The following KCNU1 variants were observed in gnomAD, a reference collection of about 807,000 sequenced individuals.
KCNU1 encodes potassium channel subfamily U member 1.
Under a neutral mutation model 126.8 loss-of-function variants are expected in KCNU1, and 93 were observed. The observed-to-expected ratio is 0.73, with a 90% CI of 0.62 to 0.87. The LOEUF (loss-of-function observed/expected upper bound fraction) is 0.87, where lower values mean the gene tolerates loss of function less well. Ranked by LOEUF, KCNU1 falls within the 40% of genes least tolerant of loss-of-function variation. The probability of loss-of-function intolerance (pLI) is 0.00; values close to 1 mark genes in which losing one functional copy is unlikely to be tolerated. For synonymous variants in KCNU1, 523 were observed against 494.2 expected (o/e 1.06, Z -0.77); for missense variants, 1,330 against 1,367.1 (o/e 0.97, Z 0.43).
intron 18 of KCNU1, among the ~76,000 whole-genome samples, chr8:36,858,749 A>G (rs745678345): frequency 2.8e-4 from 43 of 152,206 alleles, no homozygotes; most frequent in Non-Finnish European, 5.7e-4. Context: ...CTGTATAAAA[A>G]GGAGGATTCT....
chr8:36,811,710 T>C (rs1563269967), intron 7 of KCNU1, among the ~76,000 whole-genome samples: 1 of 151,436 alleles, frequency 6.6e-6, no homozygotes. Flanking sequence ...GGGAGGCACA[T>C]CATTGGAGGT....
At chr8:36,852,623 A>T (rs35025232) in intron 18 of KCNU1, among the ~76,000 whole-genome samples, 1 of 151,962 alleles carries the variant, frequency 6.6e-6, no homozygotes, top group African/African-American at 2.4e-5. Context: ...AATCCACATT[A>T]TCAAATTTAT....
intron 7 of KCNU1, among the ~76,000 whole-genome samples, chr8:36,810,778 T>C (rs1333834805): frequency 6.6e-6 from 1 of 152,114 alleles, no homozygotes; most frequent in Non-Finnish European, 1.5e-5. Context: ...ATTAGCATTA[T>C]AGAAGTTACA....
intron 2 of KCNU1, 136 bp downstream of exon 2, chr8:36,787,561 C>G (rs1022558623): frequency 6.3e-6 from 4 of 639,130 alleles, no homozygotes; most frequent in African/African-American, 5.7e-5. Flanking sequence ...CACCACCTCC[C>G]CATCCCCATC....
At chr8:36,828,380 C>T (rs1804402103) in intron 10 of KCNU1, among the ~76,000 whole-genome samples, 1 of 152,078 alleles carries the variant, frequency 6.6e-6, no homozygotes, top group Admixed American at 6.6e-5. Context: ...ATAATCCTCC[C>T]CATATTTCAA....
At chr8:36,808,257 G>A (rs1408877698) in intron 6 of KCNU1, among the ~76,000 whole-genome samples, 1 of 152,120 alleles carries the variant, frequency 6.6e-6, no homozygotes, top group African/African-American at 2.4e-5. Flanking sequence ...AGCAGTCTGT[G>A]TGACTTTATA....
chr8:36,849,632 C>A (rs1563293841), intron 18 of KCNU1, among the ~76,000 whole-genome samples: 1 of 152,060 alleles, frequency 6.6e-6, no homozygotes, highest in South Asian at 2.1e-4. Context: ...AACCTCATTT[C>A]TTTTTCTTGC....
intron 10 of KCNU1, among the ~76,000 whole-genome samples, chr8:36,820,643 T>C (rs1042974091): frequency 3.3e-5 from 5 of 151,976 alleles, no homozygotes; most frequent in Non-Finnish European, 5.9e-5. Flanking sequence ...TCTTTAGTTT[T>C]CGAGCAGAAC....
chr8:36,935,542 G>T lies in KCNU1; in HGVS notation c.3072G>T (p.Glu1024Asp), dbSNP rs372838728. Residue 1024 changes from glutamate (E) to aspartate (D), a missense_variant, in exon 27 of 27, where the codon GAG becomes GAT. Physicochemically the swap from Glu to Asp is conservative, Grantham distance 45. Transcript: ENST00000399881. The stretch of plus-strand genomic sequence containing the variant: ...TTGTGATCACCCGGCCAGCCAATGA[G>T]TTCAAGCTGCTGCCTTCAGATCTTG... Reference protein sequence around the residue: ...KRFVITRPANEFKLLPSDLVF... With the variant: ...KRFVITRPANDFKLLPSDLVF... The T allele has an allele frequency of 6.2e-7, 1 of 1,609,698 alleles. No individual in the cohort carries two copies. The highest frequency in any genetic ancestry group is 8.5e-7 in the Non-Finnish European group (1 of 1,177,454).
chr8:36,809,909 G>A (rs1170431354), intron 7 of KCNU1, among the ~76,000 whole-genome samples: 5 of 151,886 alleles, frequency 3.3e-5, no homozygotes, highest in South Asian at 4.2e-4. Flanking sequence ...TTTGTCACTC[G>A]CTGACTTTTA....
At chr8:36,922,686 C>A (rs1475797791) in intron 24 of KCNU1, 57 bp downstream of exon 24, 13 of 1,563,042 alleles carry the variant, frequency 8.3e-6, no homozygotes, top group Non-Finnish European at 1.0e-5. Flanking sequence ...GAGAAGTGAA[C>A]AGGTAGTATA....
chr8:36,826,244 C>T (rs1804316430), intron 10 of KCNU1, among the ~76,000 whole-genome samples: 1 of 151,656 alleles, frequency 6.6e-6, no homozygotes, highest in African/African-American at 2.4e-5. Flanking sequence ...GGGTCTTGCT[C>T]TGTCACCCAG....
At chr8:36,837,527 G>A (rs931281403) in intron 14 of KCNU1, among the ~76,000 whole-genome samples, 2 of 152,144 alleles carry the variant, frequency 1.3e-5, no homozygotes, top group African/African-American at 4.8e-5. Context: ...AATTGGTGAA[G>A]CTAACTAACT....
At chr8:36,829,284 A>T (rs1178256568) in intron 10 of KCNU1, among the ~76,000 whole-genome samples, 2 of 151,988 alleles carry the variant, frequency 1.3e-5, no homozygotes, top group Non-Finnish European at 2.9e-5. Flanking sequence ...TTATAGTCAA[A>T]TATTGAATAT....
At chr8:36,821,817 A>G (rs1205971530) in intron 10 of KCNU1, among the ~76,000 whole-genome samples, 4 of 141,130 alleles carry the variant, frequency 2.8e-5, no homozygotes, top group Non-Finnish European at 6.1e-5. Context: ...TCAGTAAATA[A>G]TATGAGATAC....
intron 6 of KCNU1, among the ~76,000 whole-genome samples, chr8:36,807,870 T>C (rs1205453251): frequency 6.6e-6 from 1 of 151,904 alleles, no homozygotes; most frequent in African/African-American, 2.4e-5. Context: ...CCTCGAAGCA[T>C]ACATTACCCA....
At chr8:36,879,018 G>C (rs555575760) in intron 19 of KCNU1, among the ~76,000 whole-genome samples, 1 of 147,162 alleles carries the variant, frequency 6.8e-6, no homozygotes, top group Non-Finnish European at 1.5e-5. Flanking sequence ...GCAAATCATC[G>C]GGACTTTGCT....
At chr8:36,860,946 ATTGACC>A (rs1805707627) in intron 18 of KCNU1, among the ~76,000 whole-genome samples, 1 of 151,296 alleles carries the variant, frequency 6.6e-6, no homozygotes, top group East Asian at 2.0e-4. Context: ...CAGACTATTA[ATTGACC>A]TTTTTAAGGA....
chr8:36,918,477 C>T (rs976872516), intron 22 of KCNU1, among the ~76,000 whole-genome samples: 1 of 151,552 alleles, frequency 6.6e-6, no homozygotes, highest in African/African-American at 2.4e-5. Flanking sequence ...ATCACTTGAG[C>T]TCAGGAGTTG....
Sources: gnomAD v4.1 joint callset for allele counts (sites outside exome capture counted in the v4.1 genomes callset) on GRCh38, gnomAD v4.1.1 for gene constraint, MANE v1.5 for transcripts, NCBI Gene and HGNC (gene_info 2026-07-23, HGNC 2026-07-21) for gene names.